MALT1: variants seen among roughly 807,000 people sequenced by gnomAD.
The protein encoded by MALT1 is mucosa-associated lymphoid tissue lymphoma translocation protein 1.
In MALT1, 36 loss-of-function variants were observed where a neutral mutation model predicts 85.5. That is an observed-to-expected ratio of 0.42 (90% CI 0.32 to 0.56). The LOEUF (loss-of-function observed/expected upper bound fraction) is 0.56, where lower values mean the gene tolerates loss of function less well. Among genes scored for constraint, MALT1 ranks in the 20% least tolerant of loss-of-function variants. The probability of loss-of-function intolerance (pLI) is 0.10; values close to 1 mark genes in which losing one functional copy is unlikely to be tolerated. For missense variants in MALT1, 716 were observed against 981.6 expected (o/e 0.73, Z 3.62); for synonymous variants, 359 against 361.3 (o/e 0.99, Z 0.07).
chr18:58,738,576 T>C (rs2055257089), intron 13 of MALT1, among the ~76,000 whole-genome samples: 1 of 146,774 alleles, frequency 6.8e-6, no homozygotes, highest in Non-Finnish European at 1.5e-5. Context: ...GACAGTTTTG[T>C]AAAGTGGTTG....
chr18:58,738,597 A>C (rs10469213), intron 13 of MALT1, among the ~76,000 whole-genome samples: 1 of 152,020 alleles, frequency 6.6e-6, no homozygotes, highest in East Asian at 1.9e-4. Flanking sequence ...CCGAGTCTAC[A>C]CTTAACCCTA....
chr18:58,719,081 G>C (rs2054944757), intron 9 of MALT1, among the ~76,000 whole-genome samples: 1 of 152,156 alleles, frequency 6.6e-6, no homozygotes, highest in Non-Finnish European at 1.5e-5. Flanking sequence ...GTTATTTATT[G>C]CTGAATAACA....
In MALT1 at chr18:58,709,517, T is replaced by G; in HGVS notation, c.789T>G (p.Asn263Lys). 6.2e-7 allele frequency: 1 copy of G among 1,612,374 alleles called. No individual in the cohort carries two copies. The highest frequency in any genetic ancestry group is 8.5e-7 in the Non-Finnish European group (1 of 1,179,438). The change falls in exon 5 of 17, where the codon AAT (asparagine) becomes AAG (lysine). Residue 263 changes from asparagine to lysine, a missense_variant. Asn to Lys is a moderately conservative substitution (Grantham distance 94). Around this residue, in one of 4 missense-constraint regions of MALT1, gnomAD observed 290 missense variants for 380.5 expected, o/e 0.76. Coordinates refer to ENST00000649217, the MANE Select transcript of MALT1 (RefSeq NM_006785.4). ...SPIPHYQWFK[N>K]ELPLTHETKK... Reference sequence around the variant, plus strand: ...TTCCTCACTACCAGTGGTTCAAAAATGAATTACCATTAACACATGAGACCA... The same window carrying G: ...TTCCTCACTACCAGTGGTTCAAAAAGGAATTACCATTAACACATGAGACCA...
intron 9 of MALT1, among the ~76,000 whole-genome samples, chr18:58,717,989 T>C (rs1245679637): frequency 1.3e-5 from 2 of 152,234 alleles, no homozygotes; most frequent in African/African-American, 4.8e-5. Flanking sequence ...TTGCTGAAGA[T>C]GGTTTAATCA....
chr18:58,685,821 C>T (rs920568469), intron 2 of MALT1, among the ~76,000 whole-genome samples: 29 of 151,916 alleles, frequency 1.9e-4, no homozygotes, highest in Admixed American at 5.9e-4. Context: ...AAATTGTTTC[C>T]CTACTTTTAT....
chr18:58,699,575 C>T (rs1271198763), intron 3 of MALT1, among the ~76,000 whole-genome samples: 1 of 152,040 alleles, frequency 6.6e-6, no homozygotes, highest in Non-Finnish European at 1.5e-5. Context: ...TTTTTAGGTG[C>T]TGAAATATTT....
At chr18:58,743,024 G>GA (rs1306849803) in intron 14 of MALT1, among the ~76,000 whole-genome samples, 1 of 152,096 alleles carries the variant, frequency 6.6e-6, no homozygotes, top group Admixed American at 6.6e-5. Flanking sequence ...ATAGATAATT[G>GA]AAAAATAATT....
In MALT1 at chr18:58,751,431, C is replaced by T. The variant is rs1265426365; in HGVS notation, c.*3589C>T. Reference sequence around the variant, plus strand: ...TTTTAAGACAGAGTCCTGGCTCTGTCGCCCAGGCTGGAGTGCAGCGACATA... The same window carrying T: ...TTTTAAGACAGAGTCCTGGCTCTGTTGCCCAGGCTGGAGTGCAGCGACATA... On this transcript the variant is annotated 3_prime_UTR_variant, in exon 17 of 17. Coordinates refer to ENST00000649217, the MANE Select transcript of MALT1 (RefSeq NM_006785.4). The T allele has an allele frequency of 3.3e-5, 5 of 151,442 alleles. No individual in the cohort carries two copies. The highest frequency in any genetic ancestry group is 7.4e-5 in the Non-Finnish European group (5 of 67,962). 9.4% of individuals were successfully genotyped at this position (151,442 alleles called of 1,614,324 possible).
At chr18:58,720,454 C>G (rs1484418026) in intron 9 of MALT1, among the ~76,000 whole-genome samples, 1 of 152,172 alleles carries the variant, frequency 6.6e-6, no homozygotes, top group Non-Finnish European at 1.5e-5. Context: ...TCTTTTTCAC[C>G]AGTAAAGTCA....
intron 14 of MALT1, among the ~76,000 whole-genome samples, chr18:58,742,444 C>T (rs575753125): frequency 1.3e-5 from 2 of 152,276 alleles, no homozygotes; most frequent in South Asian, 4.2e-4. Context: ...TGGTCGCTCA[C>T]GCCTGTAATC....
intron 10 of MALT1, among the ~76,000 whole-genome samples, chr18:58,731,369 T>C (rs1237385641): frequency 6.6e-6 from 1 of 152,264 alleles, no homozygotes; most frequent in African/African-American, 2.4e-5. Flanking sequence ...CTTTTCACTT[T>C]ACCTGATCTT....
At chr18:58,738,007 TTAG>T in intron 13 of MALT1, among the ~76,000 whole-genome samples, 1 of 152,336 alleles carries the variant, frequency 6.6e-6, no homozygotes, top group South Asian at 2.1e-4. Context: ...AGCATTATTA[TTAG>T]AAGTGTTGAA....
chr18:58,714,991 C>A (rs1417427070), intron 8 of MALT1, among the ~76,000 whole-genome samples: 2 of 152,182 alleles, frequency 1.3e-5, no homozygotes, highest in African/African-American at 4.8e-5. Context: ...GCTGTGCTGA[C>A]TGTATATAAG....
intron 2 of MALT1, among the ~76,000 whole-genome samples, chr18:58,687,556 T>A (rs550114964): frequency 6.6e-6 from 1 of 152,342 alleles, no homozygotes; most frequent in South Asian, 2.1e-4. Context: ...TCTTCTGTGA[T>A]AGCATAGAAG....
chr18:58,722,925 A>C lies in MALT1; in HGVS notation c.1019-123A>C, dbSNP rs991975063. The C allele has an allele frequency of 4.6e-6, 3 of 652,212 alleles. No individual in the cohort carries two copies. In the Admixed American group the frequency reaches 8.9e-5, roughly 19 times the overall value. 40.4% of individuals were successfully genotyped at this position (652,212 alleles called of 1,614,324 possible). On this transcript the variant is annotated intron_variant, in intron 9 of 16. Transcript: ENST00000649217. The stretch of plus-strand genomic sequence containing the variant: ...AGTTCTAAAATGAAATTAAATAATG[A>C]AATCTTATTTGAAATGAAATAATGC...
At chr18:58,731,550 G>A (rs977618791) in intron 10 of MALT1, among the ~76,000 whole-genome samples, 7 of 152,128 alleles carry the variant, frequency 4.6e-5, no homozygotes, top group African/African-American at 9.7e-5. Flanking sequence ...GGTCCAATCC[G>A]TGTTTATTTC....
rs879777415 is a variant in MALT1, at chr18:58,671,502, C to A, written c.-142C>A. 9 of 476,394 alleles carry A rather than the reference C, an allele frequency of 1.9e-5. No individual in the cohort carries two copies. Among genetic ancestry groups the A allele is most frequent in the Non-Finnish European group, 2.9e-5 (9 of 306,696 alleles). 29.5% of individuals were successfully genotyped at this position (476,394 alleles called of 1,614,324 possible). A position where few individuals can be genotyped will look rare whatever the true frequency, so the allele number is the denominator to read the frequency against. ...TTGGGGCGGGGAGCGGAGCTTCCTCCTCTGAGGGCCGTGCCGCGCTGCCAG... is the reference window on the plus strand; with the variant it reads ...TTGGGGCGGGGAGCGGAGCTTCCTCATCTGAGGGCCGTGCCGCGCTGCCAG... On this transcript the variant is annotated 5_prime_UTR_variant, in exon 1 of 17. Coordinates refer to ENST00000649217, the MANE Select transcript of MALT1 (RefSeq NM_006785.4).
intron 2 of MALT1, among the ~76,000 whole-genome samples, chr18:58,684,080 G>A (rs779727853): frequency 6.6e-6 from 1 of 152,046 alleles, no homozygotes; most frequent in Non-Finnish European, 1.5e-5. Context: ...CTACAAGCAC[G>A]CACCACCATA....
In MALT1 at chr18:58,731,780, G is replaced by A. The variant is rs1022336628; in HGVS notation, c.1223-1617G>A. ...GCTTGATAACATAAACGTGTGAATC[G>A]TGTGAATTCATGTATGGAGATACAT... On this transcript the variant is annotated intron_variant, in intron 10 of 16. Transcript: ENST00000649217. Among the ~76,000 whole-genome samples, 6 of 116,546 alleles carry A rather than the reference G, an allele frequency of 5.1e-5. No homozygotes were observed. The South Asian group carries it at 1.1e-3, about 21-fold the overall frequency. 76.5% of individuals were successfully genotyped at this position (116,546 alleles called of 152,430 possible).
Sources: allele counts gnomAD v4.1 joint callset (sites outside exome capture counted in the v4.1 genomes callset), GRCh38; gene constraint gnomAD v4.1.1; regional missense constraint gnomAD v4.1.1; transcripts MANE v1.5; gene names NCBI Gene and HGNC (gene_info 2026-07-23, HGNC 2026-07-21).